Variants in TRERF1 observed in about 807,000 individuals in gnomAD.
TRERF1 encodes transcriptional-regulating factor 1.
TRERF1 carries 27 observed loss-of-function variants against 122.9 expected under a neutral mutation model. The observed-to-expected ratio is 0.22, with a 90% CI of 0.16 to 0.30. The LOEUF (loss-of-function observed/expected upper bound fraction) is 0.30, where lower values mean the gene tolerates loss of function less well. Among genes scored for constraint, TRERF1 ranks in the 10% least tolerant of loss-of-function variants. The pLI, the probability that TRERF1 is intolerant of heterozygous loss-of-function variation, is 1.00. For synonymous variants in TRERF1, 636 were observed against 641.7 expected, an observed-to-expected ratio of 0.99 and a Z score of 0.13; for missense variants, 1,248 against 1,560.3, an observed-to-expected ratio of 0.80 and a Z score of 3.37.
rs1177892933 is a variant in TRERF1, at chr6:42,423,075, G to A, written c.-454+28102C>T. Among the ~76,000 whole-genome samples the A allele has an allele frequency of 2.6e-5, 4 of 152,174 alleles. No homozygotes were observed. The East Asian group carries it at 7.7e-4, about 29-fold the overall frequency. On this transcript the variant is annotated intron_variant, in intron 2 of 17. Transcript: ENST00000372922. ...GCTGGTCTCGAACTCCTGACCTCAG[G>A]TGATCTGCTTGCCTCTGCCTCCCAT...
At chr6:42,407,679 G>T (rs72857675) in intron 2 of TRERF1, among the ~76,000 whole-genome samples, 1,961 of 151,796 alleles carry the variant, frequency 0.013, 33 homozygotes, top group East Asian at 0.089. Flanking sequence ...CCACCGCAAC[G>T]CATTTCCTCT....
intron 2 of TRERF1, among the ~76,000 whole-genome samples, chr6:42,371,942 G>A (rs570379957): frequency 6.6e-6 from 1 of 152,252 alleles, no homozygotes; most frequent in African/African-American, 2.4e-5. Flanking sequence ...AGCATTTTGG[G>A]AGGCCAAGGA....
At chr6:42,289,463 C>T (rs984867425) in intron 4 of TRERF1, among the ~76,000 whole-genome samples, 1 of 151,918 alleles carries the variant, frequency 6.6e-6, no homozygotes, top group African/African-American at 2.4e-5. Context: ...ATACATATTC[C>T]GGGCTTTGCT....
intron 3 of TRERF1, among the ~76,000 whole-genome samples, chr6:42,302,723 C>T (rs908939987): frequency 6.6e-6 from 1 of 152,224 alleles, no homozygotes. Context: ...TAAGTCAGTA[C>T]AGTAACTGGC....
At chr6:42,258,309 C>T in intron 9 of TRERF1, 108 bp from the exon 10 acceptor site, 1 of 915,180 alleles carries the variant, frequency 1.1e-6, no homozygotes, top group South Asian at 1.5e-5. Flanking sequence ...TCTCTCCTAC[C>T]CAGCTCCTGC....
At chr6:42,318,969 T>A (rs751531499) in intron 3 of TRERF1, among the ~76,000 whole-genome samples, 7 of 152,206 alleles carry the variant, frequency 4.6e-5, no homozygotes, top group Non-Finnish European at 1.0e-4. Context: ...CCTGACCAGT[T>A]CTCTCCAATG....
In TRERF1 at chr6:42,408,210, A is replaced by AATATATATATATATATATAT. The variant is rs34821629; in HGVS notation, c.-454+42966_-454+42967insATATATATATATATATATAT. The stretch of plus-strand genomic sequence containing the variant: ...TTCCATTAACTTCGCTATATAAATA[A>AATATATATATATATATATAT]ATATATATATATATATATGTGTGTG... On this transcript the variant is annotated intron_variant, in intron 2 of 17. Coordinates refer to ENST00000372922, the Ensembl canonical transcript of TRERF1. 1.6e-3 allele frequency among the ~76,000 whole-genome samples: 174 copies of AATATATATATATATATATAT among 107,112 alleles called. 1 individual carries two copies. Among genetic ancestry groups the AATATATATATATATATATAT allele is most frequent in the Non-Finnish European group, 2.5e-3 (134 of 54,170 alleles). 70.3% of individuals were successfully genotyped at this position (107,112 alleles called of 152,430 possible).
intron 3 of TRERF1, among the ~76,000 whole-genome samples, chr6:42,356,876 A>C (rs949345867): frequency 5.9e-5 from 9 of 151,996 alleles, no homozygotes; most frequent in Non-Finnish European, 1.3e-4. Flanking sequence ...CCGGCCCATA[A>C]ATTTCTATTG....
chr6:42,269,493 T>A lies in TRERF1; in HGVS notation c.98A>T (p.Asn33Ile). 6.2e-7 allele frequency: 1 copy of A among 1,614,172 alleles called. No homozygotes were observed. Among genetic ancestry groups the A allele is most frequent in the Non-Finnish European group, 8.5e-7 (1 of 1,180,022 alleles). ...TGTAACTGCATTCCCATAGTTGTGG[T>A]TCAGCCCGCTGTGGACGCCAAGTGG... Residue 33 changes from asparagine to isoleucine, a missense_variant, in exon 5 of 18, where the codon AAC (asparagine) becomes ATC (isoleucine). Transcript: ENST00000372922. The surrounding 1 kb of genome is among the most constrained non-coding windows in gnomAD (Gnocchi z 4.9).
At chr6:42,415,419 A>T (rs1781695540) in intron 2 of TRERF1, among the ~76,000 whole-genome samples, 1 of 152,108 alleles carries the variant, frequency 6.6e-6, no homozygotes, top group African/African-American at 2.4e-5. Flanking sequence ...CTTTTATGTT[A>T]TAGCTTCTGG....
At chr6:42,318,147 C>G (rs1458324493) in intron 3 of TRERF1, among the ~76,000 whole-genome samples, 1 of 150,778 alleles carries the variant, frequency 6.6e-6, no homozygotes, top group East Asian at 1.9e-4. Context: ...GGGCGAGACT[C>G]TGTCTCCAAA....
intron 2 of TRERF1, among the ~76,000 whole-genome samples, chr6:42,397,437 C>T (rs1400955309): frequency 6.6e-6 from 1 of 152,150 alleles, no homozygotes; most frequent in Non-Finnish European, 1.5e-5. Flanking sequence ...TATTGAATTA[C>T]TGATTAAGAT....
chr6:42,364,008 C>G (rs1220434469), intron 2 of TRERF1, among the ~76,000 whole-genome samples: 1 of 152,236 alleles, frequency 6.6e-6, no homozygotes, highest in Non-Finnish European at 1.5e-5. Flanking sequence ...AAAAATCACT[C>G]TTCTGCTCAG....
intron 3 of TRERF1, among the ~76,000 whole-genome samples, chr6:42,361,833 A>G (rs1771830705): frequency 6.6e-6 from 1 of 152,214 alleles, no homozygotes; most frequent in Non-Finnish European, 1.5e-5. Flanking sequence ...GCATCCACCC[A>G]GTTCCCTTGC....
intron 8 of TRERF1, among the ~76,000 whole-genome samples, chr6:42,260,244 T>C (rs1426552906): frequency 6.6e-6 from 1 of 151,980 alleles, no homozygotes; most frequent in African/African-American, 2.4e-5. Flanking sequence ...CCTGGGTCAC[T>C]TTCAGCAGGG....
intron 16 of TRERF1, 86 bp from the exon 17 acceptor site, chr6:42,233,014 T>C: frequency 7.1e-7 from 1 of 1,399,408 alleles, no homozygotes; most frequent in Non-Finnish European, 9.4e-7. Context: ...AAGGGTTTTA[T>C]ATAAGCAAAC....
At chr6:42,308,251 G>GT (rs1787634405) in intron 3 of TRERF1, among the ~76,000 whole-genome samples, 1 of 152,176 alleles carries the variant, frequency 6.6e-6, no homozygotes, top group Non-Finnish European at 1.5e-5. Context: ...ATAAACAAAT[G>GT]TGTTATATTC....
intron 2 of TRERF1, among the ~76,000 whole-genome samples, chr6:42,405,697 A>G (rs1045320714): frequency 3.3e-5 from 5 of 151,598 alleles, no homozygotes; most frequent in African/African-American, 1.2e-4. Flanking sequence ...TGGGAGGCTG[A>G]GGTGGGAGGA....
intron 3 of TRERF1, among the ~76,000 whole-genome samples, chr6:42,340,845 G>C (rs566937510): frequency 1.3e-5 from 2 of 152,304 alleles, no homozygotes; most frequent in East Asian, 3.9e-4. Flanking sequence ...TTTCTTTCTA[G>C]AACTTTCTCT....
Sources: gnomAD v4.1 joint callset for allele counts (sites outside exome capture counted in the v4.1 genomes callset) on GRCh38, gnomAD v4.1.1 for gene constraint, Gnocchi (gnomAD v3.1) non-coding constraint, MANE v1.5 for transcripts, NCBI Gene and HGNC (gene_info 2026-07-23, HGNC 2026-07-21) for gene names.